The following NKX6-1 variants were observed in gnomAD, a reference collection of about 807,000 sequenced individuals.
NKX6-1 encodes the protein homeobox protein Nkx-6.1.
In NKX6-1, 11 loss-of-function variants were observed where a neutral mutation model predicts 24.9. The observed-to-expected ratio is 0.44, with a 90% CI of 0.28 to 0.73. The LOEUF is 0.73. Among genes scored for constraint, NKX6-1 ranks in the 30% least tolerant of loss-of-function variants. The probability of loss-of-function intolerance (pLI) is 0.15; values close to 1 mark genes in which losing one functional copy is unlikely to be tolerated. For missense variants in NKX6-1, 487 were observed against 502.9 expected, an observed-to-expected ratio of 0.97 and a Z score of 0.30; for synonymous variants, 277 against 242.9, an observed-to-expected ratio of 1.14 and a Z score of -1.31.
chr4:84,493,322 T>A lies in NKX6-1; in HGVS notation c.1071A>T (p.Leu357=). 1 of 1,603,586 alleles carries A rather than the reference T, an allele frequency of 6.2e-7. No homozygotes were observed. Among genetic ancestry groups the A allele is most frequent in the Non-Finnish European group, 8.5e-7 (1 of 1,178,070 alleles). ...AGCTCTCCGGCTCGGACGCGTGCAG[T>A]AGGAGGCCGCCGCCGCCGCCGCTGC... ...KSSSGGGGGL[L]LHASEPESSS is the part of the protein sequence containing the mutation. The change falls in exon 3 of 3, where the codon CTA becomes CTT. Residue 357 remains leucine (L), a synonymous_variant. Coordinates refer to ENST00000295886, the MANE Select transcript of NKX6-1 (RefSeq NM_006168.3). The surrounding 1 kb of genome is among the most constrained non-coding windows in gnomAD (Gnocchi z 5.1).
rs1720758399 is a variant in NKX6-1 at position 84,493,241 on chromosome 4, C to T, written c.*48G>A. The T allele has an allele frequency of 6.8e-7, 1 of 1,476,334 alleles. No individual in the cohort carries two copies. Among genetic ancestry groups the T allele is most frequent in the South Asian group, 1.4e-5 (1 of 71,758 alleles). 91.5% of individuals were successfully genotyped at this position (1,476,334 alleles called of 1,614,324 possible). On this transcript the variant is annotated 3_prime_UTR_variant, in exon 3 of 3. Coordinates refer to ENST00000295886, the MANE Select transcript of NKX6-1 (RefSeq NM_006168.3). The surrounding 1 kb of genome is among the most constrained non-coding windows in gnomAD (Gnocchi z 5.1). ...CACGCGGTCCCCGCGCCCCTCGCGGCCCCAGAGGTGGAGGCCGGAGCCGGG... is the reference window on the plus strand; with the variant it reads ...CACGCGGTCCCCGCGCCCCTCGCGGTCCCAGAGGTGGAGGCCGGAGCCGGG...
chr4:84,497,807 G>A lies in NKX6-1; in HGVS notation c.422C>T (p.Ala141Val). The A allele has an allele frequency of 7.9e-7, 1 of 1,267,998 alleles. No individual in the cohort carries two copies. The highest frequency in any genetic ancestry group is 9.9e-7 in the Non-Finnish European group (1 of 1,010,360). 78.5% of individuals were successfully genotyped at this position (1,267,998 alleles called of 1,614,324 possible). The change falls in exon 1 of 3, where the codon GCG (alanine) becomes GTG (valine). Residue 141 changes from alanine to valine, a missense_variant. By Grantham distance (64) the Ala-to-Val change is moderately conservative. Around this residue, in one of 3 missense-constraint regions of NKX6-1, gnomAD observed 316 missense variants for 311.4 expected, o/e 1.01. Transcript: ENST00000295886. The surrounding 1 kb of genome is among the most constrained non-coding windows in gnomAD (Gnocchi z 4.8). ...ASASSASAAA[A>V]AAAAAAAAAS... ...GGCGGCTGCGGCCGCGGCAGCAGCC[G>A]CGGCGGCGGCAGAGGCGGAGGAGGC... is the stretch of plus-strand genomic sequence containing the variant.
chr4:84,499,085 GACCCCCGCCCC>G lies in NKX6-1; in HGVS notation c.-868_-858del, dbSNP rs1720893360. Among the ~76,000 whole-genome samples the G allele has an allele frequency of 6.6e-6, 1 of 152,138 alleles. No individual in the cohort carries two copies. The highest frequency in any genetic ancestry group is 6.5e-5 in the Admixed American group (1 of 15,284). ...GTCCACTTCTGCAAACGGGCCCGGC[GACCCCCGCCCC>G]ACCCCCGCTCCCTCTCTCCCTCTCA... On this transcript the variant is annotated 5_prime_UTR_variant, in exon 1 of 3. Coordinates refer to ENST00000295886, the MANE Select transcript of NKX6-1 (RefSeq NM_006168.3).
chr4:84,495,876 G>GA (rs761449342), intron 1 of NKX6-1, 32 bp from the exon 2 acceptor site: 1 of 1,608,676 alleles, frequency 6.2e-7, no homozygotes, highest in African/African-American at 1.3e-5. Flanking sequence ...GAGAGAGGGG[G>GA]AAAAACAATC....
chr4:84,494,360 C>T (rs994470134), intron 2 of NKX6-1, among the ~76,000 whole-genome samples: 2 of 152,118 alleles, frequency 1.3e-5, no homozygotes, highest in South Asian at 2.1e-4. Flanking sequence ...TAACTGTGTT[C>T]CTGCTCAAGA....
At chr4:84,495,584 GGT>G (rs10549802) in intron 2 of NKX6-1, 86 bp downstream of exon 2, 293,429 of 887,060 alleles carry the variant, frequency 0.33, 26,458 homozygotes, top group Admixed American at 0.43. Flanking sequence ...GTTAGTTTGG[GGT>G]GTGTGTGTGT....
Position 84,492,444 on chromosome 4 carries a change from C to T in NKX6-1, c.*845G>A, listed in dbSNP as rs1029716975. ...GGTTCCCACGTCTTCCACTTCAAGT[C>T]CGGGGGGCGGGAGCGCAGTGTAGAT... On this transcript the variant is annotated 3_prime_UTR_variant, in exon 3 of 3. Coordinates refer to ENST00000295886, the MANE Select transcript of NKX6-1 (RefSeq NM_006168.3). The T allele has an allele frequency of 2.0e-5, 3 of 151,764 alleles. No individual in the cohort carries two copies. The highest frequency in any genetic ancestry group is 4.9e-5 in the African/African-American group (2 of 41,214). 9.4% of individuals were successfully genotyped at this position (151,764 alleles called of 1,614,324 possible).
In NKX6-1 at chr4:84,498,038, A is replaced by C. The variant is rs1720858329; in HGVS notation, c.191T>G (p.Leu64Arg). 8.4e-7 allele frequency: 1 copy of C among 1,194,444 alleles called. No individual in the cohort carries two copies. Among genetic ancestry groups the C allele is most frequent in the African/African-American group, 1.7e-5 (1 of 59,484 alleles). 74.0% of individuals were successfully genotyped at this position (1,194,444 alleles called of 1,614,324 possible). A position where few individuals can be genotyped will look rare whatever the true frequency, so the allele number is the denominator to read the frequency against. Residue 64 changes from leucine (L) to arginine (R), a missense_variant, in exon 1 of 3, where the codon CTG (leucine) becomes CGG (arginine). Physicochemically the swap from Leu to Arg is moderately radical, Grantham distance 102. Coordinates refer to ENST00000295886, the MANE Select transcript of NKX6-1 (RefSeq NM_006168.3). Reference sequence around the variant, plus strand: ...CAGGCCGCCTGGGTTGTGGGTGCCCAGAGGCGGGGAGGGCGACGAGGAGGA... The same window carrying C: ...CAGGCCGCCTGGGTTGTGGGTGCCCCGAGGCGGGGAGGGCGACGAGGAGGA... ...SSSSSSPSPP[L>R]GTHNPGGLKP... is the part of the protein sequence containing the mutation.
rs201725740 is a variant in NKX6-1 at position 84,495,982 on chromosome 4, A to C, written c.671-138T>G. On this transcript the variant is annotated intron_variant, in intron 1 of 2. Transcript: ENST00000295886. ...AGTCTGTGGCGGACACCAGAAGTGTAGTGGCGCTTCCAGACTAACGGCACG... is the reference window on the plus strand; with the variant it reads ...AGTCTGTGGCGGACACCAGAAGTGTCGTGGCGCTTCCAGACTAACGGCACG... 11 of 828,490 alleles carry C rather than the reference A, an allele frequency of 1.3e-5. 1 individual carries two copies. In the East Asian group the frequency reaches 2.8e-4, roughly 21 times the overall value. The allele number at this position is 828,490 out of a possible 1,614,324, so 51.3% of individuals were successfully genotyped here. A position where few individuals can be genotyped will look rare whatever the true frequency, so the allele number is the denominator to read the frequency against.
chr4:84,493,138 A>G lies in NKX6-1; in HGVS notation c.*151T>C. 1 of 609,988 alleles carries G rather than the reference A, an allele frequency of 1.6e-6. No homozygotes were observed. Among genetic ancestry groups the G allele is most frequent in the Non-Finnish European group, 2.5e-6 (1 of 402,042 alleles). 37.8% of individuals were successfully genotyped at this position (609,988 alleles called of 1,614,324 possible). A position where few individuals can be genotyped will look rare whatever the true frequency, so the allele number is the denominator to read the frequency against. On this transcript the variant is annotated 3_prime_UTR_variant, in exon 3 of 3. Coordinates refer to ENST00000295886, the MANE Select transcript of NKX6-1 (RefSeq NM_006168.3). The surrounding 1 kb of genome is among the most constrained non-coding windows in gnomAD (Gnocchi z 5.1). Reference sequence around the variant, plus strand: ...TTCAAGGTTAAAAAAATAGATATGTACATCTCAAAAATAGCAAAGGGTCCC... The same window carrying G: ...TTCAAGGTTAAAAAAATAGATATGTGCATCTCAAAAATAGCAAAGGGTCCC...
In NKX6-1 at chr4:84,497,852, G is replaced by A. The variant is rs931666348; in HGVS notation, c.377C>T (p.Ser126Phe). 9 of 1,274,934 alleles carry A rather than the reference G, an allele frequency of 7.1e-6. No homozygotes were observed. Among genetic ancestry groups the A allele is most frequent in the African/African-American group, 3.1e-5 (2 of 65,010 alleles). The allele number at this position is 1,274,934 out of a possible 1,614,324, so 79.0% of individuals were successfully genotyped here. A position where few individuals can be genotyped will look rare whatever the true frequency, so the allele number is the denominator to read the frequency against. The change falls in exon 1 of 3, where the codon TCC becomes TTC. Residue 126 changes from serine (S) to phenylalanine (F), a missense_variant. Physicochemically the swap from Ser to Phe is radical, Grantham distance 155. Transcript: ENST00000295886. This position sits in a 1 kb window ranked among gnomAD's most constrained non-coding sequence, Gnocchi z 4.8. Reference protein sequence around the residue: ...PSASPSGSSSSSSSSASASSA... With the variant: ...PSASPSGSSSFSSSSASASSA... ...GGAGGCAGAGGCGGACGAGGAAGAG[G>A]AGGAGGAGGAACCGGAGGGCGAGGC...
chr4:84,497,770 CG>C lies in NKX6-1; in HGVS notation c.458del (p.Pro153ArgfsTer14). ...GTGGCAGTCCGGCCAGCAGCCCCGC[CG>C]GGGATGAGGCGGCGGCTGCGGCCGC... is the stretch of plus-strand genomic sequence containing the variant. ...AAAAAAAASS[P>X]AGLLAGLPRF... On this transcript the variant is annotated frameshift_variant, in exon 1 of 3. Coordinates refer to ENST00000295886, the MANE Select transcript of NKX6-1 (RefSeq NM_006168.3). LOFTEE classifies it high-confidence loss of function. The surrounding 1 kb of genome is among the most constrained non-coding windows in gnomAD (Gnocchi z 4.8). 1 of 1,275,078 alleles carries C rather than the reference CG, an allele frequency of 7.8e-7. No individual in the cohort carries two copies. Among genetic ancestry groups the C allele is most frequent in the South Asian group, 2.9e-5 (1 of 34,356 alleles). 79.0% of individuals were successfully genotyped at this position (1,275,078 alleles called of 1,614,324 possible). A position where few individuals can be genotyped will look rare whatever the true frequency, so the allele number is the denominator to read the frequency against.
intron 2 of NKX6-1, among the ~76,000 whole-genome samples, chr4:84,494,497 A>G (rs1182073075): frequency 6.6e-6 from 1 of 152,192 alleles, no homozygotes; most frequent in Non-Finnish European, 1.5e-5. Context: ...GTCCTCCATT[A>G]TGTATTTTAT....
chr4:84,495,017 G>A (rs1720790566), intron 2 of NKX6-1, among the ~76,000 whole-genome samples: 1 of 152,104 alleles, frequency 6.6e-6, no homozygotes, highest in Admixed American at 6.5e-5. Flanking sequence ...ATAAATTGTT[G>A]TCATGAATAG....
At position 84,498,468 on chromosome 4, in the gene NKX6-1, C is replaced by T. The variant is rs1578469760; in HGVS notation, c.-240G>A. 1.0e-5 allele frequency: 4 copies of T among 401,130 alleles called. No homozygotes were observed. The highest frequency in any genetic ancestry group is 8.2e-5 in the African/African-American group (4 of 48,786). The allele number at this position is 401,130 out of a possible 1,614,324, so 24.8% of individuals were successfully genotyped here. Reference sequence around the variant, plus strand: ...AGCTCGCCGAGAAAAGCAGGCGTCCCGGCGGGCTAGGCAGTCCTTTCGTTC... The same window carrying T: ...AGCTCGCCGAGAAAAGCAGGCGTCCTGGCGGGCTAGGCAGTCCTTTCGTTC... On this transcript the variant is annotated 5_prime_UTR_variant, in exon 1 of 3. Coordinates refer to ENST00000295886, the MANE Select transcript of NKX6-1 (RefSeq NM_006168.3).
chr4:84,493,489 C>T lies in NKX6-1; in HGVS notation c.904G>A (p.Ala302Thr). ...GTCTCCGAGTCCTGCTTCTTCTTGG[C>T]CGTGGCCATCTCGGCAGCGTGCTTC... ...RKKHAAEMATAKKKQDSETER... is the reference protein window; with the variant it reads ...RKKHAAEMATTKKKQDSETER... The change falls in exon 3 of 3, where the codon GCC becomes ACC. Residue 302 changes from alanine to threonine, a missense_variant. Physicochemically the swap from Ala to Thr is moderately conservative, Grantham distance 58. Around this residue, in one of 3 missense-constraint regions of NKX6-1, gnomAD observed 126 missense variants for 105.5 expected, o/e 1.19. Coordinates refer to ENST00000295886, the MANE Select transcript of NKX6-1 (RefSeq NM_006168.3). The surrounding 1 kb of genome is among the most constrained non-coding windows in gnomAD (Gnocchi z 5.1). The T allele has an allele frequency of 6.2e-7, 1 of 1,614,258 alleles. No individual in the cohort carries two copies. Among genetic ancestry groups the T allele is most frequent in the East Asian group, 2.2e-5 (1 of 44,884 alleles).
chr4:84,498,996 AAC>A lies in NKX6-1; in HGVS notation c.-770_-769del, dbSNP rs1431918126. The stretch of plus-strand genomic sequence containing the variant: ...ATTGAAAAGAAAAAGGGGGAGGAAA[AAC>A]ACAGAAAAACAAAAGACTAAGTGTG... On this transcript the variant is annotated 5_prime_UTR_variant, in exon 1 of 3. Coordinates refer to ENST00000295886, the MANE Select transcript of NKX6-1 (RefSeq NM_006168.3). Among the ~76,000 whole-genome samples the A allele has an allele frequency of 2.0e-5, 3 of 152,168 alleles. No individual in the cohort carries two copies. Among genetic ancestry groups the A allele is most frequent in the Non-Finnish European group, 4.4e-5 (3 of 68,034 alleles).
chr4:84,493,487 G>A lies in NKX6-1; in HGVS notation c.906C>T (p.Ala302=), dbSNP rs1372289242. The A allele has an allele frequency of 1.2e-6, 2 of 1,614,216 alleles. No individual in the cohort carries two copies. Among genetic ancestry groups the A allele is most frequent in the East Asian group, 4.5e-5 (2 of 44,876 alleles). Residue 302 remains alanine, a synonymous_variant, in exon 3 of 3, where the codon GCC becomes GCT. Coordinates refer to ENST00000295886, the MANE Select transcript of NKX6-1 (RefSeq NM_006168.3). The surrounding 1 kb of genome is among the most constrained non-coding windows in gnomAD (Gnocchi z 5.1). ...CTGTCTCCGAGTCCTGCTTCTTCTT[G>A]GCCGTGGCCATCTCGGCAGCGTGCT... ...RKKHAAEMAT[A]KKKQDSETER...
chr4:84,495,605 G>GTGTT, intron 2 of NKX6-1, 67 bp downstream of exon 2: 1 of 1,290,528 alleles, frequency 7.7e-7, no homozygotes, highest in Non-Finnish European at 1.1e-6. Flanking sequence ...GTGTGTGTGT[G>GTGTT]CCCATGTGTG....
Sources: gnomAD v4.1 joint callset for allele counts (sites outside exome capture counted in the v4.1 genomes callset) on GRCh38, gnomAD v4.1.1 for gene constraint, gnomAD v4.1.1 regional missense constraint, Gnocchi (gnomAD v3.1) non-coding constraint, MANE v1.5 for transcripts, NCBI Gene and HGNC (gene_info 2026-07-23, HGNC 2026-07-21) for gene names.